The following ILRUN variants were observed in gnomAD, a reference collection of about 807,000 sequenced individuals.
ILRUN encodes the protein protein ILRUN.
ILRUN carries 3 observed loss-of-function variants against 33.8 expected under a neutral mutation model. The ratio of observed to expected loss-of-function variants is 0.09; its 90% CI spans 0.04 to 0.23. The LOEUF (loss-of-function observed/expected upper bound fraction) is 0.23, where lower values mean the gene tolerates loss of function less well. ILRUN is among the 10% of genes least tolerant of loss of function. ILRUN has a pLI of 1.00. For missense variants in ILRUN, 210 were observed against 375.1 expected, an observed-to-expected ratio of 0.56 and a Z score of 3.64; for synonymous variants, 124 against 138.9, an observed-to-expected ratio of 0.89 and a Z score of 0.75.
chr6:34,679,759 G>C (rs557119972), intron 1 of ILRUN, among the ~76,000 whole-genome samples: 183 of 152,250 alleles, frequency 1.2e-3, no homozygotes, highest in African/African-American at 4.2e-3. Context: ...TACAAGATTA[G>C]GGTGGGCCTT....
At position 34,646,823 on chromosome 6, in the gene ILRUN, T is replaced by C. The variant is rs368695623; in HGVS notation, c.314-25A>G. The stretch of plus-strand genomic sequence containing the variant: ...CCTGAGTTCAAGCAAAAGAAAAAAA[T>C]GTTAGGCAATCAATGGTCCTATGCT... On this transcript the variant is annotated intron_variant, in intron 2 of 4. Transcript: ENST00000374023. The surrounding 1 kb of genome is among the most constrained non-coding windows in gnomAD (Gnocchi z 4.9). 3.7e-6 allele frequency: 6 copies of C among 1,609,106 alleles called. No homozygotes were observed. Among genetic ancestry groups the C allele is most frequent in the Non-Finnish European group, 3.4e-6 (4 of 1,177,124 alleles).
intron 1 of ILRUN, among the ~76,000 whole-genome samples, chr6:34,691,888 TC>T (rs1471071066): frequency 6.6e-6 from 1 of 152,160 alleles, no homozygotes; most frequent in Non-Finnish European, 1.5e-5. Flanking sequence ...GCCAAAACAT[TC>T]CATTTAGTCA....
intron 1 of ILRUN, among the ~76,000 whole-genome samples, chr6:34,676,302 G>A (rs1562028950): frequency 1.3e-5 from 2 of 151,922 alleles, no homozygotes; most frequent in Non-Finnish European, 2.9e-5. Flanking sequence ...GGGAGGCTGA[G>A]GCAGGAGGAT....
chr6:34,620,747 T>C (rs1283329576), intron 3 of ILRUN, among the ~76,000 whole-genome samples: 1 of 152,192 alleles, frequency 6.6e-6, no homozygotes, highest in Non-Finnish European at 1.5e-5. Context: ...GAGGACTACT[T>C]GAGCCCTTAC....
intron 3 of ILRUN, among the ~76,000 whole-genome samples, chr6:34,615,662 T>TAGCAAA (rs1379629951): frequency 6.6e-6 from 1 of 152,152 alleles, no homozygotes; most frequent in Non-Finnish European, 1.5e-5. Context: ...GAGAATTGAC[T>TAGCAAA]AGCAAAAGAG....
chr6:34,609,157 TG>T (rs765612098), intron 3 of ILRUN, among the ~76,000 whole-genome samples: 13 of 152,160 alleles, frequency 8.5e-5, no homozygotes, highest in Non-Finnish European at 1.5e-4. Context: ...TCTCAGGCTG[TG>T]TTTATTCTAA....
At chr6:34,655,803 A>G (rs919614578) in intron 1 of ILRUN, among the ~76,000 whole-genome samples, 1 of 152,216 alleles carries the variant, frequency 6.6e-6, no homozygotes, top group Non-Finnish European at 1.5e-5. Flanking sequence ...CACCAAGAAT[A>G]TAAGAGTACG....
In ILRUN at chr6:34,662,124, CAAA is replaced by C. The variant is rs57423564; in HGVS notation, c.159-7348_159-7346del. ...TGGGCGACAGAGCGAGACTCCGTCT[CAAA>C]AAAAAAAAAAAAAAAAAAAAAAAAA... is the stretch of plus-strand genomic sequence containing the variant. On this transcript the variant is annotated intron_variant, in intron 1 of 4. Transcript: ENST00000374023. 2.8e-4 allele frequency among the ~76,000 whole-genome samples: 11 copies of C among 39,984 alleles called. No individual in the cohort carries two copies. In the East Asian group the frequency reaches 6.0e-3, roughly 22 times the overall value. 26.2% of individuals were successfully genotyped at this position (39,984 alleles called of 152,430 possible).
At chr6:34,630,102 C>T (rs1399725288) in intron 3 of ILRUN, among the ~76,000 whole-genome samples, 2 of 152,166 alleles carry the variant, frequency 1.3e-5, no homozygotes, top group Non-Finnish European at 2.9e-5. Flanking sequence ...ACAAGCACTG[C>T]AATATCCCAA....
At chr6:34,599,080 A>G (rs1191327982) in intron 4 of ILRUN, among the ~76,000 whole-genome samples, 1 of 152,240 alleles carries the variant, frequency 6.6e-6, no homozygotes, top group Non-Finnish European at 1.5e-5. Context: ...TTCAGAGAAT[A>G]GCCAACAAAC....
At chr6:34,693,729 C>CA (rs1763697755) in intron 1 of ILRUN, among the ~76,000 whole-genome samples, 1 of 149,998 alleles carries the variant, frequency 6.7e-6, no homozygotes, top group Non-Finnish European at 1.5e-5. Flanking sequence ...TGCAGTGGCG[C>CA]AATCTCGGCT....
chr6:34,619,197 A>G (rs989794468), intron 3 of ILRUN, among the ~76,000 whole-genome samples: 5 of 152,192 alleles, frequency 3.3e-5, no homozygotes, highest in African/African-American at 1.2e-4. Flanking sequence ...CAGAGAGATG[A>G]GGAAGAAGCT....
At chr6:34,677,642 A>C (rs180687466) in intron 1 of ILRUN, among the ~76,000 whole-genome samples, 2 of 152,232 alleles carry the variant, frequency 1.3e-5, no homozygotes, top group Admixed American at 1.3e-4. Context: ...CCAAAGTATA[A>C]TGCCATTTAT....
chr6:34,664,902 C>T lies in ILRUN; in HGVS notation c.159-10123G>A, dbSNP rs375615874. ...AAACAGGGAACTTACAATAAACCAG[C>T]AGCAGTCAAATGTATCTCATCCTGG... On this transcript the variant is annotated intron_variant, in intron 1 of 4. Transcript: ENST00000374023. Among the ~76,000 whole-genome samples the T allele has an allele frequency of 1.5e-4, 23 of 152,294 alleles. No individual in the cohort carries two copies. In the East Asian group the frequency reaches 3.9e-3, roughly 25 times the overall value.
At chr6:34,662,395 C>T in intron 1 of ILRUN, among the ~76,000 whole-genome samples, 1 of 151,916 alleles carries the variant, frequency 6.6e-6, no homozygotes, top group Admixed American at 6.6e-5. Context: ...AGCAATTCCA[C>T]TTCTGGGTAT....
chr6:34,688,966 A>ATTC (rs1763588090), intron 1 of ILRUN, among the ~76,000 whole-genome samples: 1 of 148,266 alleles, frequency 6.7e-6, no homozygotes, highest in Admixed American at 6.7e-5. Flanking sequence ...CATCTCAAAA[A>ATTC]AGAAAAGAAA....
chr6:34,641,830 A>C (rs1204924283), intron 3 of ILRUN, among the ~76,000 whole-genome samples: 1 of 152,176 alleles, frequency 6.6e-6, no homozygotes, highest in East Asian at 1.9e-4. Context: ...CATCTTCAAA[A>C]AGTTCATGGT....
intron 1 of ILRUN, among the ~76,000 whole-genome samples, chr6:34,686,420 A>C (rs1763519131): frequency 6.6e-6 from 1 of 151,088 alleles, no homozygotes; most frequent in South Asian, 2.1e-4. Flanking sequence ...GAATGGCGTG[A>C]ACCCAGGAGG....
intron 1 of ILRUN, among the ~76,000 whole-genome samples, chr6:34,683,170 G>A (rs1763410234): frequency 1.3e-5 from 2 of 150,820 alleles, no homozygotes; most frequent in South Asian, 4.2e-4. Flanking sequence ...GTGTTTATGT[G>A]TATTTGTATA....
Sources: allele counts gnomAD v4.1 joint callset (sites outside exome capture counted in the v4.1 genomes callset), GRCh38; gene constraint gnomAD v4.1.1; non-coding constraint Gnocchi (gnomAD v3.1); transcripts MANE v1.5; gene names NCBI Gene and HGNC (gene_info 2026-07-23, HGNC 2026-07-21).